FKBP15: variants seen among roughly 807,000 people sequenced by gnomAD.
The protein encoded by FKBP15 is FKBP prolyl isomerase family member 15.
A neutral mutation model predicts 158.1 loss-of-function variants in FKBP15; 106 were observed. The observed-to-expected ratio is 0.67, with a 90% CI of 0.57 to 0.79. The LOEUF (loss-of-function observed/expected upper bound fraction) is 0.79. FKBP15 is among the 30% of genes least tolerant of loss of function. FKBP15 has a pLI of 0.00. For missense variants in FKBP15, 1,287 were observed against 1,479.1 expected (o/e 0.87, Z 2.13); for synonymous variants, 547 against 548.6 (o/e 1.00, Z 0.04).
intron 27 of FKBP15, 103 bp from the exon 28 acceptor site, chr9:113,166,258 C>T: frequency 2.8e-6 from 3 of 1,090,680 alleles, no homozygotes; most frequent in Non-Finnish European, 4.0e-6. Flanking sequence ...AGCTCTGGGT[C>T]AGAAAGGAGG....
intron 2 of FKBP15, among the ~76,000 whole-genome samples, chr9:113,208,517 T>C (rs1830938833): frequency 1.3e-5 from 2 of 152,212 alleles, no homozygotes; most frequent in Admixed American, 1.3e-4. Flanking sequence ...TCGTTTGATT[T>C]TTTCTGTATT....
In FKBP15 at chr9:113,169,937, C is replaced by A. The variant is rs752398217; in HGVS notation, c.2772G>T (p.Val924=). ...LGTIMNTIKM[V]TLQLLNQQEQ... Reference sequence around the variant, plus strand: ...CCTGTTGGTTTAACAGCTGAAGAGTCACCATCTATTCAAAAGCCAAGGAAG... The same window carrying A: ...CCTGTTGGTTTAACAGCTGAAGAGTAACCATCTATTCAAAAGCCAAGGAAG... Residue 924 remains valine (V), a synonymous_variant, in exon 26 of 28, where the codon GTG becomes GTT. Coordinates refer to ENST00000238256, the MANE Select transcript of FKBP15 (RefSeq NM_015258.2). 341 of 1,539,398 alleles carry A rather than the reference C, an allele frequency of 2.2e-4. No individual in the cohort carries two copies. The highest frequency in any genetic ancestry group is 2.9e-4 in the Non-Finnish European group (335 of 1,144,608).
chr9:113,198,167 C>T lies in FKBP15; in HGVS notation c.717+688G>A, dbSNP rs1830722424. Reference sequence around the variant, plus strand: ...CTGCTGCTGTCACAGTTGCCTTCTACAGTGATTGGAAAGTGCTGATTCAAA... The same window carrying T: ...CTGCTGCTGTCACAGTTGCCTTCTATAGTGATTGGAAAGTGCTGATTCAAA... On this transcript the variant is annotated intron_variant, in intron 8 of 27. Coordinates refer to ENST00000238256, the MANE Select transcript of FKBP15 (RefSeq NM_015258.2). The surrounding 1 kb of genome is among the most constrained non-coding windows in gnomAD (Gnocchi z 5.2). Among the ~76,000 whole-genome samples, 1 of 152,170 alleles carries T rather than the reference C, an allele frequency of 6.6e-6. No individual in the cohort carries two copies. The highest frequency in any genetic ancestry group is 1.5e-5 in the Non-Finnish European group (1 of 68,018).
At chr9:113,203,374 C>T (rs1830829884) in intron 4 of FKBP15, among the ~76,000 whole-genome samples, 1 of 152,032 alleles carries the variant, frequency 6.6e-6, no homozygotes. Context: ...AATACATGTT[C>T]ATTATACATA....
rs1830038824 is a variant in FKBP15, at chr9:113,162,913, C to A, written c.*3165G>T. 1.2e-6 allele frequency: 2 copies of A among 1,607,122 alleles called. No individual in the cohort carries two copies. The highest frequency in any genetic ancestry group is 1.3e-5 in the African/African-American group (1 of 74,670). ...CTAGCTTACCCACTTCTCAGCACAG[C>A]TTAGCTGGTGAGGAACGTGCAGGCA... On this transcript the variant is annotated 3_prime_UTR_variant, in exon 28 of 28. Coordinates refer to ENST00000238256, the MANE Select transcript of FKBP15 (RefSeq NM_015258.2).
chr9:113,216,572 G>A (rs994152318), intron 1 of FKBP15, among the ~76,000 whole-genome samples: 3 of 152,144 alleles, frequency 2.0e-5, no homozygotes, highest in African/African-American at 4.8e-5. Flanking sequence ...AGGAAAATTC[G>A]GGCAAATTGC....
At chr9:113,183,402 T>C (rs1830434666) in intron 18 of FKBP15, among the ~76,000 whole-genome samples, 2 of 151,658 alleles carry the variant, frequency 1.3e-5, no homozygotes, top group Admixed American at 1.3e-4. Flanking sequence ...TAAAATAGAG[T>C]TAGCCCACAC....
rs1175317916 is a variant in FKBP15, at chr9:113,169,868, T to A, written c.2841A>T (p.Lys947Asn). ...AAGGTCTTCGTGGCCGCTCTTCTGC[T>A]TTTTCTTCTTCTTCTTCACTGCTGC... is the stretch of plus-strand genomic sequence containing the variant. Reference protein sequence around the residue: ...EESSSEEEEEKAEERPRRPSQ... With the variant: ...EESSSEEEEENAEERPRRPSQ... The change falls in exon 26 of 28, where the codon AAA becomes AAT. Residue 947 changes from lysine to asparagine, a missense_variant. Physicochemically the swap from Lys to Asn is moderately conservative, Grantham distance 94. Transcript: ENST00000238256. 3 of 1,549,828 alleles carry A rather than the reference T, an allele frequency of 1.9e-6. No homozygotes were observed. The African/African-American group carries it at 4.2e-5, about 21-fold the overall frequency.
At chr9:113,170,472 G>A (rs10981665) in intron 25 of FKBP15, 50 bp downstream of exon 25, 19 of 1,279,838 alleles carry the variant, frequency 1.5e-5, no homozygotes, top group Non-Finnish European at 5.7e-6. Context: ...AGGTACTTAA[G>A]CAACAAAATG....
At chr9:113,197,804 G>A (rs1830715736) in intron 8 of FKBP15, among the ~76,000 whole-genome samples, 1 of 152,222 alleles carries the variant, frequency 6.6e-6, no homozygotes, top group African/African-American at 2.4e-5. Context: ...AGCTCGTGGA[G>A]ATTAAGTAAC....
intron 2 of FKBP15, among the ~76,000 whole-genome samples, chr9:113,210,250 C>T (rs1487048219): frequency 6.6e-6 from 1 of 151,866 alleles, no homozygotes; most frequent in African/African-American, 2.4e-5. Context: ...CAAGGATACA[C>T]AACCTGGCAT....
chr9:113,197,381 T>A (rs1023159501), intron 8 of FKBP15, among the ~76,000 whole-genome samples: 1 of 152,022 alleles, frequency 6.6e-6, no homozygotes, highest in African/African-American at 2.4e-5. Context: ...AAAAAGCATG[T>A]TTTTGGCTGG....
At chr9:113,196,542 C>T (rs1830688796) in intron 9 of FKBP15, among the ~76,000 whole-genome samples, 1 of 152,064 alleles carries the variant, frequency 6.6e-6, no homozygotes, top group Admixed American at 6.5e-5. Flanking sequence ...TGCCACCACG[C>T]CTGGCTAATT....
At position 113,215,605 on chromosome 9, in the gene FKBP15, CGTGTGT is replaced by C. The variant is rs58387523; in HGVS notation, c.54-4019_54-4014del. Reference sequence around the variant, plus strand: ...ACATATGTGTGAATATATATGTGTGCGTGTGTGTGTGTGTGTGTGTATATATATATA... The same window carrying C: ...ACATATGTGTGAATATATATGTGTGCGTGTGTGTGTGTGTATATATATATA... On this transcript the variant is annotated intron_variant, in intron 1 of 27. Transcript: ENST00000238256. Among the ~76,000 whole-genome samples, 193 of 99,640 alleles carry C rather than the reference CGTGTGT, an allele frequency of 1.9e-3. 3 individuals carry two copies. The South Asian group carries it at 0.024, about 13-fold the overall frequency. 65.4% of individuals were successfully genotyped at this position (99,640 alleles called of 152,430 possible).
intron 12 of FKBP15, 154 bp from the exon 13 acceptor site, chr9:113,188,645 G>C: frequency 1.6e-6 from 1 of 608,042 alleles, no homozygotes. Flanking sequence ...GAGGGTGTGG[G>C]TTGTGGAGAA....
Position 113,162,507 on chromosome 9 carries a change from C to T in FKBP15, c.*3571G>A, listed in dbSNP as rs569802413. The T allele has an allele frequency of 5.5e-6, 2 of 364,880 alleles. No homozygotes were observed. Among genetic ancestry groups the T allele is most frequent in the South Asian group, 9.1e-5 (2 of 21,906 alleles). 22.6% of individuals were successfully genotyped at this position (364,880 alleles called of 1,614,324 possible). On this transcript the variant is annotated 3_prime_UTR_variant, in exon 28 of 28. Coordinates refer to ENST00000238256, the MANE Select transcript of FKBP15 (RefSeq NM_015258.2). The stretch of plus-strand genomic sequence containing the variant: ...TAGATACCCTCATTTTCCCCTTTGC[C>T]TAGGATGCCAGGAAGCTTGAAACCA...
Position 113,162,942 on chromosome 9 carries a change from A to C in FKBP15, c.*3136T>G. On this transcript the variant is annotated 3_prime_UTR_variant, in exon 28 of 28. Transcript: ENST00000238256. The stretch of plus-strand genomic sequence containing the variant: ...GCTGGTGAGGAACGTGCAGGCACTG[A>C]GGCTGGAGGGACATGGAGCCCCCTC... 1 of 1,565,790 alleles carries C rather than the reference A, an allele frequency of 6.4e-7. No homozygotes were observed. Among genetic ancestry groups the C allele is most frequent in the Non-Finnish European group, 8.7e-7 (1 of 1,155,708 alleles).
At chr9:113,212,494 CCAA>C (rs1831029051) in intron 1 of FKBP15, among the ~76,000 whole-genome samples, 1 of 151,958 alleles carries the variant, frequency 6.6e-6, no homozygotes, top group African/African-American at 2.4e-5. Flanking sequence ...CATCCGATCA[CCAA>C]CAACTTCTTT....
chr9:113,204,245 T>A (rs10114293), intron 4 of FKBP15, among the ~76,000 whole-genome samples: 34,811 of 152,118 alleles, frequency 0.23, 4,728 homozygotes, highest in African/African-American at 0.36. Flanking sequence ...ACCTGGCTAA[T>A]TTTTTTGTAT....
Sources: gnomAD v4.1 joint callset for allele counts (sites outside exome capture counted in the v4.1 genomes callset) on GRCh38, gnomAD v4.1.1 for gene constraint, Gnocchi (gnomAD v3.1) non-coding constraint, MANE v1.5 for transcripts, NCBI Gene and HGNC (gene_info 2026-07-23, HGNC 2026-07-21) for gene names.